The following GRTP1 variants were observed in gnomAD, a reference collection of about 807,000 sequenced individuals.
GRTP1 encodes growth hormone regulated TBC protein 1, also known as growth hormone-regulated TBC protein 1.
A neutral mutation model predicts 38.1 loss-of-function variants in GRTP1; 56 were observed. The ratio of observed to expected loss-of-function variants is 1.47; its 90% CI spans 1.19 to 1.84. The LOEUF is 1.84. Ranked by LOEUF, GRTP1 falls within the 40% of genes most tolerant of loss-of-function variation. GRTP1 has a pLI of 0.00. For missense variants in GRTP1, 506 were observed against 453.9 expected (o/e 1.11, Z -1.04); for synonymous variants, 217 against 189.5 (o/e 1.14, Z -1.19).
intron 5 of GRTP1, among the ~76,000 whole-genome samples, chr13:113,341,086 G>T (rs9604073): frequency 0.014 from 1,998 of 146,978 alleles, 51 homozygotes; most frequent in African/African-American, 0.048. Flanking sequence ...TCACTCTGTC[G>T]CCCAGGCTGG....
At chr13:113,351,310 C>A (rs1394460491) in intron 3 of GRTP1, among the ~76,000 whole-genome samples, 1 of 152,228 alleles carries the variant, frequency 6.6e-6, no homozygotes, top group Admixed American at 6.5e-5. Context: ...GCACCTCGGA[C>A]CTCGCGCGTA....
In GRTP1 at chr13:113,355,515, G is replaced by A. The variant is rs772784647; in HGVS notation, c.182-34C>T. The A allele has an allele frequency of 1.1e-5, 18 of 1,570,812 alleles. No individual in the cohort carries two copies. The South Asian group carries it at 1.9e-4, about 17-fold the overall frequency. On this transcript the variant is annotated intron_variant, in intron 2 of 7. Coordinates refer to ENST00000375431, the MANE Select transcript of GRTP1 (RefSeq NM_024719.4). ...CGAGAGGACGGACAGCGTGTGAGCT[G>A]GACCAGGGGCCTGCGGGGCCCACGC...
intron 5 of GRTP1, among the ~76,000 whole-genome samples, chr13:113,329,825 CTCT>C (rs1463864957): frequency 1.3e-5 from 2 of 152,246 alleles, no homozygotes; most frequent in Non-Finnish European, 2.9e-5. Flanking sequence ...AGACTTCTCC[CTCT>C]TCTTCAGTAT....
chr13:113,346,275 TCTGTGG>T lies in GRTP1; in HGVS notation c.466-1322_466-1317del, dbSNP rs1269240284. Among the ~76,000 whole-genome samples, 44 of 95,330 alleles carry T rather than the reference TCTGTGG, an allele frequency of 4.6e-4. 1 individual carries two copies. The highest frequency in any genetic ancestry group is 7.6e-4 in the South Asian group (2 of 2,620). The allele number at this position is 95,330 out of a possible 152,430, so 62.5% of individuals were successfully genotyped here. A position where few individuals can be genotyped will look rare whatever the true frequency, so the allele number is the denominator to read the frequency against. On this transcript the variant is annotated intron_variant, in intron 4 of 7. Coordinates refer to ENST00000375431, the MANE Select transcript of GRTP1 (RefSeq NM_024719.4). Reference sequence around the variant, plus strand: ...GGCCGAGAGCAGATCCGGGAGGACCTCTGTGGCTGAGCGGATCTGGGAGGACCTCTG... The same window carrying T: ...GGCCGAGAGCAGATCCGGGAGGACCTCTGAGCGGATCTGGGAGGACCTCTG...
chr13:113,329,654 A>C (rs889724235), intron 5 of GRTP1, among the ~76,000 whole-genome samples: 3 of 152,366 alleles, frequency 2.0e-5, no homozygotes, highest in African/African-American at 4.8e-5. Context: ...GTGATGTCAA[A>C]TGAAAAAGAT....
Position 113,324,344 on chromosome 13 carries a change from C to T in GRTP1, c.*144G>A. 2.4e-6 allele frequency: 3 copies of T among 1,236,972 alleles called. No homozygotes were observed. The highest frequency in any genetic ancestry group is 3.1e-6 in the Non-Finnish European group (3 of 956,208). 76.6% of individuals were successfully genotyped at this position (1,236,972 alleles called of 1,614,324 possible). A position where few individuals can be genotyped will look rare whatever the true frequency, so the allele number is the denominator to read the frequency against. ...GGTAGAATGACCTGATTTTAAACTGCTCTTTTAAAAAATTCACAACTAAAG... is the reference window on the plus strand; with the variant it reads ...GGTAGAATGACCTGATTTTAAACTGTTCTTTTAAAAAATTCACAACTAAAG... On this transcript the variant is annotated 3_prime_UTR_variant, in exon 8 of 8. Coordinates refer to ENST00000375431, the MANE Select transcript of GRTP1 (RefSeq NM_024719.4).
chr13:113,363,306 C>T (rs1285597959), intron 2 of GRTP1, among the ~76,000 whole-genome samples: 1 of 152,234 alleles, frequency 6.6e-6, no homozygotes, highest in African/African-American at 2.4e-5. Flanking sequence ...CTACTGGGTT[C>T]AAGCGATTCT....
At chr13:113,330,039 G>GCGTACATGGAAACCCAGGTA (rs1759915414) in intron 5 of GRTP1, among the ~76,000 whole-genome samples, 1 of 151,384 alleles carries the variant, frequency 6.6e-6, no homozygotes. Flanking sequence ...AAACCCAGGT[G>GCGTACATGGAAACCCAGGTA]CCTGCATGGA....
intron 2 of GRTP1, among the ~76,000 whole-genome samples, chr13:113,358,228 C>T (rs2043431889): frequency 6.6e-6 from 1 of 151,968 alleles, no homozygotes; most frequent in African/African-American, 2.4e-5. Flanking sequence ...GCATCATTTA[C>T]AATAGTAACA....
chr13:113,325,979 C>T lies in GRTP1; in HGVS notation c.675G>A (p.Leu225=). ...ACCAGCGGGACACCAGCAGCGTCCA[C>T]AGCACACCGAGACGCTCCATCAGGG... is the stretch of plus-strand genomic sequence containing the variant. ...VGALMERLGV[L]WTLLVSRWFI... The change falls in exon 6 of 8, where the codon CTG becomes CTA. Residue 225 remains leucine, a synonymous_variant. Transcript: ENST00000375431. The T allele has an allele frequency of 1.2e-6, 2 of 1,613,956 alleles. No homozygotes were observed. Among genetic ancestry groups the T allele is most frequent in the Non-Finnish European group, 1.7e-6 (2 of 1,179,980 alleles).
intron 5 of GRTP1, among the ~76,000 whole-genome samples, chr13:113,333,106 C>T (rs191046300): frequency 7.7e-4 from 118 of 152,350 alleles, no homozygotes; most frequent in African/African-American, 2.5e-3. Flanking sequence ...CAGGAAATTT[C>T]GAGGAGAGGG....
At position 113,343,788 on chromosome 13, in the gene GRTP1, G is replaced by A. The variant is rs769426874; in HGVS notation, c.562+1075C>T. ...GGCTCCAAACACTGGGGACTGGCCC[G>A]GCTGCCCCTCACGTCTCCTCTGCCC... On this transcript the variant is annotated intron_variant, in intron 5 of 7. Coordinates refer to ENST00000375431, the MANE Select transcript of GRTP1 (RefSeq NM_024719.4). This position sits in a 1 kb window ranked among gnomAD's most constrained non-coding sequence, Gnocchi z 4.8. Among the ~76,000 whole-genome samples, 3 of 152,268 alleles carry A rather than the reference G, an allele frequency of 2.0e-5. No homozygotes were observed. Among genetic ancestry groups the A allele is most frequent in the Non-Finnish European group, 4.4e-5 (3 of 68,020 alleles).
At chr13:113,325,553 C>G (rs1388635666) in intron 7 of GRTP1, 108 bp downstream of exon 7, 2 of 1,581,688 alleles carry the variant, frequency 1.3e-6, no homozygotes, top group South Asian at 2.3e-5. Flanking sequence ...TGCCCTATGC[C>G]CACTGGTGCC....
intron 5 of GRTP1, among the ~76,000 whole-genome samples, chr13:113,329,300 G>A (rs1055787786): frequency 5.3e-5 from 8 of 152,180 alleles, no homozygotes; most frequent in Admixed American, 2.0e-4. Context: ...CGCATTGGCC[G>A]GGTGCAGTGG....
At position 113,344,936 on chromosome 13, in the gene GRTP1, A is replaced by T; in HGVS notation, c.489T>A (p.Tyr163Ter). ...CTTCATTATTTGTTATAAGAATCAG[A>T]TATCCTGCTATAAAATTCATTCCCT... is the stretch of plus-strand genomic sequence containing the variant. ...YCQGMNFIAG[Y>*]LILITNNEEE... The change falls in exon 5 of 8, where the codon TAT (tyrosine) becomes TAA (stop). Residue 163 changes from tyrosine (Y) to a stop codon, truncating the protein, a stop_gained. Transcript: ENST00000375431. LOFTEE classifies it high-confidence loss of function. The T allele has an allele frequency of 6.3e-7, 1 of 1,597,158 alleles. No individual in the cohort carries two copies. The highest frequency in any genetic ancestry group is 8.5e-7 in the Non-Finnish European group (1 of 1,173,688).
At chr13:113,347,303 T>C (rs866516620) in intron 4 of GRTP1, among the ~76,000 whole-genome samples, 38 of 20,442 alleles carry the variant, frequency 1.9e-3, no homozygotes, top group East Asian at 2.5e-3. Flanking sequence ...TGAGCGGATC[T>C]GGGAGGACCT....
chr13:113,332,374 C>CG (rs1293291447), intron 5 of GRTP1, among the ~76,000 whole-genome samples: 1 of 135,604 alleles, frequency 7.4e-6, no homozygotes, highest in South Asian at 2.3e-4. Flanking sequence ...CACACGCACA[C>CG]CACACACGCA....
At position 113,355,433 on chromosome 13, in the gene GRTP1, A is replaced by C; in HGVS notation, c.230T>G (p.Val77Gly). 1 of 1,613,920 alleles carries C rather than the reference A, an allele frequency of 6.2e-7. No individual in the cohort carries two copies. ...KGVPLEHRARVWMVLSGAQAQ... is the reference protein window; with the variant it reads ...KGVPLEHRARGWMVLSGAQAQ... ...CTGGGCCCCACTCAGCACCATCCAGACGCGGGCACGGTGCTCCAGCGGGAC... is the reference window on the plus strand; with the variant it reads ...CTGGGCCCCACTCAGCACCATCCAGCCGCGGGCACGGTGCTCCAGCGGGAC... Residue 77 changes from valine (V) to glycine (G), a missense_variant, in exon 3 of 8, where the codon GTC (valine) becomes GGC (glycine). By Grantham distance (109) the Val-to-Gly change is moderately radical (BLOSUM62 -3). Transcript: ENST00000375431.
intron 5 of GRTP1, among the ~76,000 whole-genome samples, chr13:113,327,866 G>T (rs899818062): frequency 7.2e-5 from 11 of 152,170 alleles, no homozygotes; most frequent in Admixed American, 7.2e-4. Flanking sequence ...GGCAGCAGGG[G>T]GTCTGCAGAG....
Sources: gnomAD v4.1 joint callset for allele counts (sites outside exome capture counted in the v4.1 genomes callset) on GRCh38, gnomAD v4.1.1 for gene constraint, Gnocchi (gnomAD v3.1) non-coding constraint, MANE v1.5 for transcripts, NCBI Gene and HGNC (gene_info 2026-07-23, HGNC 2026-07-21) for gene names.